Variants in BPNT1 observed in about 807,000 individuals in gnomAD.
The protein encoded by BPNT1 is 3'(2'),5'-bisphosphate nucleotidase 1.
BPNT1 carries 28 observed loss-of-function variants against 36.9 expected under a neutral mutation model. The observed-to-expected ratio is 0.76, with a 90% CI of 0.56 to 1.04. BPNT1 has a LOEUF of 1.04. Ranked by LOEUF, BPNT1 falls within the 50% of genes least tolerant of loss-of-function variation. The pLI, the probability that BPNT1 is intolerant of heterozygous loss-of-function variation, is 0.00. For missense variants in BPNT1, 313 were observed against 372.9 expected, an observed-to-expected ratio of 0.84 and a Z score of 1.32; for synonymous variants, 119 against 130.9, an observed-to-expected ratio of 0.91 and a Z score of 0.62.
chr1:220,085,660 C>T lies in BPNT1; in HGVS notation c.-9+4026G>A, dbSNP rs1571817607. On this transcript the variant is annotated intron_variant, in intron 1 of 8. Coordinates refer to ENST00000322067, the MANE Select transcript of BPNT1 (RefSeq NM_006085.6). ...TAAGGGCAAAAAGTTCCTGTAGTTT[C>T]TCCAACAGTATTCTGACCTTGAGAA... 2.0e-5 allele frequency among the ~76,000 whole-genome samples: 3 copies of T among 152,286 alleles called. No homozygotes were observed. The South Asian group carries it at 6.2e-4, about 32-fold the overall frequency.
chr1:220,088,438 G>A (rs975670081), intron 1 of BPNT1, among the ~76,000 whole-genome samples: 4 of 145,560 alleles, frequency 2.7e-5, no homozygotes, highest in Non-Finnish European at 6.0e-5. Flanking sequence ...AGCCGAGATC[G>A]CGCCACTGCA....
intron 3 of BPNT1, 90 bp from the exon 4 acceptor site, chr1:220,073,047 C>G: frequency 3.8e-6 from 4 of 1,049,262 alleles, no homozygotes; most frequent in Non-Finnish European, 5.9e-6. Flanking sequence ...TGCAGCATCA[C>G]AGTTTTCACT....
intron 1 of BPNT1, among the ~76,000 whole-genome samples, chr1:220,085,500 G>A (rs1655629988): frequency 6.6e-6 from 1 of 152,190 alleles, no homozygotes; most frequent in Admixed American, 6.6e-5. Context: ...GTATAGGGCT[G>A]CTGTAATTAT....
At position 220,067,300 on chromosome 1, in the gene BPNT1, A is replaced by G. The variant is rs755051171; in HGVS notation, c.474+2T>C. 6.4e-7 allele frequency: 1 copy of G among 1,561,814 alleles called. No homozygotes were observed. Among genetic ancestry groups the G allele is most frequent in the Admixed American group, 1.7e-5 (1 of 58,586 alleles). Reference sequence around the variant, plus strand: ...ATTACTTTGTATCATTTATAGTAATACCTCATAGTTGTAATATGGCTGGTT... The same window carrying G: ...ATTACTTTGTATCATTTATAGTAATGCCTCATAGTTGTAATATGGCTGGTT... On this transcript the variant is annotated splice_donor_variant, in intron 6 of 8. Coordinates refer to ENST00000322067, the MANE Select transcript of BPNT1 (RefSeq NM_006085.6). LOFTEE classifies it high-confidence loss of function.
chr1:220,082,943 G>A (rs1197987179), intron 1 of BPNT1, among the ~76,000 whole-genome samples: 1 of 152,028 alleles, frequency 6.6e-6, no homozygotes, highest in Admixed American at 6.6e-5. Context: ...AAGGAAGATG[G>A]AATTGAAATT....
At chr1:220,082,181 TA>T (rs1655237112) in intron 1 of BPNT1, among the ~76,000 whole-genome samples, 3 of 93,686 alleles carry the variant, frequency 3.2e-5, no homozygotes, top group African/African-American at 3.2e-5. Flanking sequence ...TTATATTTTT[TA>T]TATATATATA....
At chr1:220,075,616 G>A (rs1664474018) in intron 2 of BPNT1, among the ~76,000 whole-genome samples, 1 of 152,000 alleles carries the variant, frequency 6.6e-6, no homozygotes, top group African/African-American at 2.4e-5. Flanking sequence ...CACTGCGGTA[G>A]AGAAAAAAAA....
intron 5 of BPNT1, among the ~76,000 whole-genome samples, chr1:220,068,696 C>A (rs1316615910): frequency 6.6e-6 from 1 of 151,764 alleles, no homozygotes; most frequent in East Asian, 2.0e-4. Context: ...CTGTAATCCC[C>A]GCTACTTGGG....
chr1:220,084,332 C>G (rs1238697164), intron 1 of BPNT1, among the ~76,000 whole-genome samples: 2 of 126,814 alleles, frequency 1.6e-5, no homozygotes, highest in Non-Finnish European at 3.4e-5. Flanking sequence ...GGCTCTGTCT[C>G]AAAAAAAAAA....
intron 2 of BPNT1, among the ~76,000 whole-genome samples, chr1:220,079,101 G>A (rs568949058): frequency 2.0e-4 from 30 of 152,150 alleles, no homozygotes; most frequent in East Asian, 1.2e-3. Flanking sequence ...AGATTTTACC[G>A]AACATGTTGA....
chr1:220,080,168 T>A (rs1664973505), intron 1 of BPNT1, among the ~76,000 whole-genome samples: 1 of 152,156 alleles, frequency 6.6e-6, no homozygotes, highest in Admixed American at 6.6e-5. Flanking sequence ...GTGTAAAGTA[T>A]GTGGAAGGTG....
chr1:220,069,694 G>A (rs1326005995), intron 4 of BPNT1, among the ~76,000 whole-genome samples: 1 of 152,146 alleles, frequency 6.6e-6, no homozygotes, highest in Non-Finnish European at 1.5e-5. Flanking sequence ...CCCGCACTTT[G>A]AGAGGCCGAG....
chr1:220,065,514 A>C (rs1663457902), intron 6 of BPNT1, among the ~76,000 whole-genome samples: 1 of 152,176 alleles, frequency 6.6e-6, no homozygotes, highest in Non-Finnish European at 1.5e-5. Context: ...AGCAATAATA[A>C]AGTTTGAATT....
chr1:220,073,407 G>A (rs1422286893), intron 3 of BPNT1, among the ~76,000 whole-genome samples: 1 of 151,890 alleles, frequency 6.6e-6, no homozygotes, highest in Non-Finnish European at 1.5e-5. Context: ...TCCTTCCTCA[G>A]CCTCCTGAGT....
chr1:220,058,230 AC>A lies in BPNT1; in HGVS notation c.*613del. ...AGATAGGAATGTTCATTGAACATTG[AC>A]CTGAACTGTCAATTGGAACTAAAGC... On this transcript the variant is annotated 3_prime_UTR_variant, in exon 9 of 9. Transcript: ENST00000322067. The A allele has an allele frequency of 1.0e-6, 1 of 992,232 alleles. No homozygotes were observed. The highest frequency in any genetic ancestry group is 1.2e-6 in the Non-Finnish European group (1 of 833,438). The allele number at this position is 992,232 out of a possible 1,614,324, so 61.5% of individuals were successfully genotyped here.
intron 1 of BPNT1, among the ~76,000 whole-genome samples, chr1:220,083,379 A>T (rs984671542): frequency 1.3e-5 from 2 of 149,216 alleles, no homozygotes; most frequent in African/African-American, 5.0e-5. Context: ...GGCTGGCGCG[A>T]TCTCGGCTCA....
chr1:220,067,141 A>AAAAT (rs757688364), intron 6 of BPNT1, 161 bp downstream of exon 6: 181 of 218,442 alleles, frequency 8.3e-4, no homozygotes, highest in African/African-American at 1.7e-3. Context: ...AAAAAAGTTA[A>AAAAT]AAATAAATAA....
rs571827606 is a variant in BPNT1, at chr1:220,088,929, C to T, written c.-9+757G>A. On this transcript the variant is annotated intron_variant, in intron 1 of 8. Transcript: ENST00000322067. The stretch of plus-strand genomic sequence containing the variant: ...CCTGACTAACACGGTGAAACCCCGT[C>T]TCTACTAAAAATACAAAAAAAATTA... Among the ~76,000 whole-genome samples, 12 of 150,992 alleles carry T rather than the reference C, an allele frequency of 7.9e-5. No individual in the cohort carries two copies. In the South Asian group the frequency reaches 1.3e-3, roughly 16 times the overall value.
chr1:220,059,133 T>C, intron 8 of BPNT1, 141 bp from the exon 9 acceptor site: 1 of 692,696 alleles, frequency 1.4e-6, no homozygotes, highest in Non-Finnish European at 2.3e-6. Flanking sequence ...CCATAAAGGT[T>C]AAGTTTTAAT....
Sources: allele counts gnomAD v4.1 joint callset (sites outside exome capture counted in the v4.1 genomes callset), GRCh38; gene constraint gnomAD v4.1.1; transcripts MANE v1.5; gene names NCBI Gene and HGNC (gene_info 2026-07-23, HGNC 2026-07-21).